Variants in UGP2 observed in about 807,000 individuals in gnomAD.
The protein encoded by UGP2 is UTP--glucose-1-phosphate uridylyltransferase.
Under a neutral mutation model 49.0 loss-of-function variants are expected in UGP2, and 40 were observed. The observed-to-expected ratio is 0.82, with a 90% CI of 0.63 to 1.06. The LOEUF is 1.06. Ranked by LOEUF, UGP2 falls within the 50% of genes least tolerant of loss-of-function variation. The probability of loss-of-function intolerance (pLI) is 0.00; values close to 1 mark genes in which losing one functional copy is unlikely to be tolerated. For missense variants in UGP2, 460 were observed against 603.5 expected (o/e 0.76, Z 2.49); for synonymous variants, 225 against 213.0 (o/e 1.06, Z -0.49).
chr2:63,889,228 C>G (rs1392795389), intron 8 of UGP2: 2 of 151,168 alleles, frequency 1.3e-5, no homozygotes, highest in African/African-American at 4.9e-5. Context: ...ATCGAAAACT[C>G]AAGAGTTTTG....
At chr2:63,857,025 C>T (rs1409410150) in intron 2 of UGP2, 2 of 356,984 alleles carry the variant, frequency 5.6e-6, no homozygotes, top group East Asian at 7.4e-5. Flanking sequence ...AGCGGCCAGG[C>T]GCAGTGGCTC....
chr2:63,882,723 A>G lies in UGP2; in HGVS notation c.441+72A>G, dbSNP rs1008087831. The G allele has an allele frequency of 9.3e-6, 13 of 1,395,350 alleles. No individual in the cohort carries two copies. In the Admixed American group the frequency reaches 2.6e-4, roughly 28 times the overall value. The allele number at this position is 1,395,350 out of a possible 1,614,324, so 86.4% of individuals were successfully genotyped here. ...GTTTTTAAGTTATCATAAATGTTAT[A>G]AAATGTAGCAGATGTGAATTTGAGC... On this transcript the variant is annotated intron_variant, in intron 4 of 9. Transcript: ENST00000337130.
intron 1 of UGP2, among the ~76,000 whole-genome samples, chr2:63,843,111 T>A (rs1671687950): frequency 6.6e-6 from 1 of 152,100 alleles, no homozygotes; most frequent in Non-Finnish European, 1.5e-5. Context: ...GGTGTACTTT[T>A]GGAAAAAAAA....
At chr2:63,878,467 T>C (rs769685169) in intron 3 of UGP2, among the ~76,000 whole-genome samples, 13 of 152,254 alleles carry the variant, frequency 8.5e-5, no homozygotes, top group Non-Finnish European at 1.6e-4. Context: ...AAAAAGGCTC[T>C]GATTATGTCT....
Position 63,890,081 on chromosome 2 carries a change from G to A in UGP2, c.1315G>A (p.Val439Ile), listed in dbSNP as rs1332270542. ...TTTTATGTTTCTCCTTTTCTGTAAGGTTCAAGATTATCTAAGAAGATTTGA... is the reference window on the plus strand; with the variant it reads ...TTTTATGTTTCTCCTTTTCTGTAAGATTCAAGATTATCTAAGAAGATTTGA... The part of the protein sequence containing the change: ...LVKLGSSFTK[V>I]QDYLRRFESI... The change falls in exon 9 of 10, where the codon GTT becomes ATT. Residue 439 changes from valine (V) to isoleucine (I), a missense_variant and splice_region_variant. Transcript: ENST00000337130. 1.2e-6 allele frequency: 2 copies of A among 1,604,456 alleles called. No homozygotes were observed. The highest frequency in any genetic ancestry group is 2.7e-5 in the African/African-American group (2 of 74,470).
chr2:63,842,334 G>A, intron 1 of UGP2, 130 bp downstream of exon 1: 1 of 1,604,370 alleles, frequency 6.2e-7, no homozygotes, highest in Non-Finnish European at 8.5e-7. Context: ...CCTTTTCGTT[G>A]AATTGTCATC....
At chr2:63,883,907 T>C (rs1244099277) in intron 4 of UGP2, 53 bp from the exon 5 acceptor site, 27 of 1,559,676 alleles carry the variant, frequency 1.7e-5, no homozygotes, top group Admixed American at 2.1e-5. Flanking sequence ...TTTTGCATAT[T>C]TGAGCAAAAG....
At chr2:63,868,469 A>G (rs989584443) in intron 3 of UGP2, among the ~76,000 whole-genome samples, 2 of 152,202 alleles carry the variant, frequency 1.3e-5, no homozygotes, top group African/African-American at 2.4e-5. Context: ...TAGTGTGAGC[A>G]TATCAGCTCC....
At chr2:63,855,460 A>C (rs768014960) in intron 1 of UGP2, 5 of 465,028 alleles carry the variant, frequency 1.1e-5, no homozygotes, top group Non-Finnish European at 2.1e-5. Context: ...ATAAAGTATA[A>C]AACAGCCTGT....
chr2:63,843,554 G>A (rs1041402387), intron 1 of UGP2, among the ~76,000 whole-genome samples: 12 of 152,242 alleles, frequency 7.9e-5, no homozygotes, highest in Admixed American at 7.2e-4. Flanking sequence ...TCCATGTAGA[G>A]TTATGCTTTA....
intron 1 of UGP2, among the ~76,000 whole-genome samples, chr2:63,844,504 A>G (rs927538864): frequency 5.9e-5 from 9 of 151,906 alleles, no homozygotes; most frequent in African/African-American, 2.2e-4. Context: ...TCCTGCCCTT[A>G]CAGGTGAGGA....
chr2:63,851,044 TATG>T (rs1366134615), intron 1 of UGP2, among the ~76,000 whole-genome samples: 2 of 152,174 alleles, frequency 1.3e-5, no homozygotes, highest in Non-Finnish European at 2.9e-5. Flanking sequence ...TTTTTAAAAT[TATG>T]ATGTTATAAA....
intron 1 of UGP2, among the ~76,000 whole-genome samples, chr2:63,846,632 C>G (rs1377769731): frequency 6.6e-6 from 1 of 152,130 alleles, no homozygotes; most frequent in Non-Finnish European, 1.5e-5. Flanking sequence ...TTTTTGGTGA[C>G]TCCTATTTGA....
At chr2:63,881,062 C>T (rs185650265) in intron 3 of UGP2, among the ~76,000 whole-genome samples, 1 of 152,186 alleles carries the variant, frequency 6.6e-6, no homozygotes, top group East Asian at 1.9e-4. Context: ...AAGTAGAGAG[C>T]CTTGGAGAAG....
At chr2:63,873,963 A>G (rs532517045) in intron 3 of UGP2, among the ~76,000 whole-genome samples, 3 of 152,198 alleles carry the variant, frequency 2.0e-5, no homozygotes, top group African/African-American at 4.8e-5. Flanking sequence ...AATGAACACT[A>G]TTCATCATGC....
At position 63,891,165 on chromosome 2, in the gene UGP2, C is replaced by T. The variant is rs780812142; in HGVS notation, c.1465C>T (p.Pro489Ser). 1.2e-6 allele frequency: 2 copies of T among 1,613,462 alleles called. No individual in the cohort carries two copies. Among genetic ancestry groups the T allele is most frequent in the African/African-American group, 1.3e-5 (1 of 74,840 alleles). The change falls in exon 10 of 10, where the codon CCA becomes TCA. Residue 489 changes from proline to serine, a missense_variant. Coordinates refer to ENST00000337130, the MANE Select transcript of UGP2 (RefSeq NM_006759.4). ...IANHGDRIDI[P>S]PGAVLENKIV... ...AAATCATGGTGACAGAATTGATATC[C>T]CACCTGGAGCAGTATTAGAGAACAA... is the stretch of plus-strand genomic sequence containing the variant.
chr2:63,846,537 G>C (rs1671948271), intron 1 of UGP2, among the ~76,000 whole-genome samples: 1 of 152,100 alleles, frequency 6.6e-6, no homozygotes, highest in Non-Finnish European at 1.5e-5. Context: ...TTACATTTCA[G>C]GGAAAGTCAT....
At chr2:63,850,993 C>G (rs62136364) in intron 1 of UGP2, among the ~76,000 whole-genome samples, 2,982 of 152,234 alleles carry the variant, frequency 0.02, 47 homozygotes, top group South Asian at 0.071. Context: ...TATACTTTCA[C>G]AGAATTTACA....
At chr2:63,849,981 T>C (rs1015691200) in intron 1 of UGP2, among the ~76,000 whole-genome samples, 4 of 152,214 alleles carry the variant, frequency 2.6e-5, no homozygotes, top group African/African-American at 7.2e-5. Context: ...CTCTTTCTCT[T>C]CTTCTCAACA....
Sources: gnomAD v4.1 joint callset for allele counts (sites outside exome capture counted in the v4.1 genomes callset) on GRCh38, gnomAD v4.1.1 for gene constraint, MANE v1.5 for transcripts, NCBI Gene and HGNC (gene_info 2026-07-23, HGNC 2026-07-21) for gene names.